Variants in ABCC4 observed in about 807,000 individuals in gnomAD.
The protein encoded by ABCC4 is ATP binding cassette subfamily C member 4 (PEL blood group), also known as ATP-binding cassette sub-family C member 4.
Under a neutral mutation model 168.5 loss-of-function variants are expected in ABCC4, and 102 were observed. The observed-to-expected ratio is 0.61, with a 90% CI of 0.52 to 0.71. ABCC4 has a LOEUF of 0.71. Ranked by LOEUF, ABCC4 falls within the 30% of genes least tolerant of loss-of-function variation. The pLI, the probability that ABCC4 is intolerant of heterozygous loss-of-function variation, is 0.00. For missense variants in ABCC4, 1,402 were observed against 1,605.8 expected, an observed-to-expected ratio of 0.87 and a Z score of 2.17; for synonymous variants, 617 against 590.7, an observed-to-expected ratio of 1.04 and a Z score of -0.65.
intron 8 of ABCC4, among the ~76,000 whole-genome samples, chr13:95,204,440 G>A (rs2038723068): frequency 6.6e-6 from 1 of 151,672 alleles, no homozygotes; most frequent in Non-Finnish European, 1.5e-5. Flanking sequence ...GATCATGGGG[G>A]CAGTTTCCCC....
In ABCC4 at chr13:95,209,314, G is replaced by A. The variant is rs2038881792; in HGVS notation, c.785+120C>T. The stretch of plus-strand genomic sequence containing the variant: ...CCCCCTTGGCTGAGCCTGAAGAGCT[G>A]CAACATATGCAAGGAAGAGATAATA... On this transcript the variant is annotated intron_variant, in intron 6 of 30. Coordinates refer to ENST00000645237, the MANE Select transcript of ABCC4 (RefSeq NM_005845.5). 5.0e-6 allele frequency: 6 copies of A among 1,197,194 alleles called. No homozygotes were observed. The Admixed American group carries it at 7.2e-5, about 14-fold the overall frequency. 74.2% of individuals were successfully genotyped at this position (1,197,194 alleles called of 1,614,324 possible). A position where few individuals can be genotyped will look rare whatever the true frequency, so the allele number is the denominator to read the frequency against.
At chr13:95,221,549 A>AT (rs1299735814) in intron 4 of ABCC4, among the ~76,000 whole-genome samples, 22 of 152,052 alleles carry the variant, frequency 1.4e-4, no homozygotes, top group Admixed American at 5.2e-4. Flanking sequence ...TTTTACCACA[A>AT]TTTTTTTTAA....
At chr13:95,202,871 G>A (rs2038671169) in intron 8 of ABCC4, among the ~76,000 whole-genome samples, 1 of 152,002 alleles carries the variant, frequency 6.6e-6, no homozygotes, top group Non-Finnish European at 1.5e-5. Context: ...TGCTGGCCAG[G>A]CTGGTCTAGA....
At chr13:95,244,669 G>GAAAGAAAGAAAGAAAT (rs780621852) in intron 3 of ABCC4, among the ~76,000 whole-genome samples, 15 of 68,020 alleles carry the variant, frequency 2.2e-4, no homozygotes, top group East Asian at 8.4e-4. Context: ...AAGAAAGAAA[G>GAAAGAAAGAAAGAAAT]AAATCATAGC....
chr13:95,228,070 G>A (rs989007759), intron 4 of ABCC4, among the ~76,000 whole-genome samples: 3 of 152,126 alleles, frequency 2.0e-5, no homozygotes, highest in Non-Finnish European at 2.9e-5. Context: ...AGTCTACAGT[G>A]AAATAAAAAT....
At chr13:95,235,877 G>A (rs921565039) in intron 3 of ABCC4, among the ~76,000 whole-genome samples, 2 of 152,136 alleles carry the variant, frequency 1.3e-5, no homozygotes, top group Non-Finnish European at 2.9e-5. Flanking sequence ...GAGCTCAAAG[G>A]GAATGTCATC....
At chr13:95,038,704 A>G (rs1407931111) in intron 29 of ABCC4, among the ~76,000 whole-genome samples, 1 of 152,208 alleles carries the variant, frequency 6.6e-6, no homozygotes, top group Non-Finnish European at 1.5e-5. Context: ...GGCATTGCAC[A>G]TGACGTGTGA....
intron 9 of ABCC4, among the ~76,000 whole-genome samples, chr13:95,190,873 C>T (rs767269033): frequency 3.3e-5 from 5 of 152,194 alleles, no homozygotes; most frequent in Admixed American, 1.3e-4. Flanking sequence ...CAAATCCTTT[C>T]GGAAGTGGCT....
chr13:95,159,100 T>C (rs1252076120), intron 19 of ABCC4, among the ~76,000 whole-genome samples: 10 of 64,266 alleles, frequency 1.6e-4, no homozygotes, highest in African/African-American at 9.1e-4. Context: ...ATTTTATATA[T>C]ATATATATAT....
chr13:95,171,636 A>G (rs2037481888), intron 13 of ABCC4, among the ~76,000 whole-genome samples: 1 of 152,064 alleles, frequency 6.6e-6, no homozygotes, highest in South Asian at 2.1e-4. Flanking sequence ...AACATAACTC[A>G]TGCTCAATAA....
rs577437251 is a variant in ABCC4 at position 95,160,012 on chromosome 13, A to G, written c.2455+1177T>C. Among the ~76,000 whole-genome samples the G allele has an allele frequency of 1.2e-4, 19 of 152,370 alleles. No homozygotes were observed. The South Asian group carries it at 3.7e-3, about 30-fold the overall frequency. ...TGTATTAACATGCTTAATTCTCATA[A>G]GATTTCAATTTGGTGGGTATGAATA... is the stretch of plus-strand genomic sequence containing the variant. On this transcript the variant is annotated intron_variant, in intron 19 of 30. Transcript: ENST00000645237.
At chr13:95,187,462 G>A (rs998561733) in intron 10 of ABCC4, among the ~76,000 whole-genome samples, 24 of 152,112 alleles carry the variant, frequency 1.6e-4, no homozygotes, top group African/African-American at 3.9e-4. Flanking sequence ...AACATTAGCC[G>A]GGCATGGTGG....
chr13:95,164,078 G>T (rs956697428), intron 16 of ABCC4, among the ~76,000 whole-genome samples: 1 of 144,912 alleles, frequency 6.9e-6, no homozygotes, highest in Admixed American at 6.9e-5. Flanking sequence ...AAGAAAGAAA[G>T]AATAAAAGGC....
chr13:95,124,653 G>A (rs955642771), intron 19 of ABCC4, among the ~76,000 whole-genome samples: 1 of 142,352 alleles, frequency 7.0e-6, no homozygotes, highest in Non-Finnish European at 1.5e-5. Context: ...GGGATCACCT[G>A]AGGCCAGGAA....
intron 20 of ABCC4, among the ~76,000 whole-genome samples, chr13:95,091,619 C>T (rs1391870482): frequency 6.6e-6 from 1 of 152,106 alleles, no homozygotes; most frequent in Non-Finnish European, 1.5e-5. Flanking sequence ...TACTACCAAA[C>T]CACCACTGTA....
Position 95,115,967 on chromosome 13 carries a change from T to C in ABCC4, c.2490A>G (p.Gly830=). The part of the protein sequence containing the change: ...RILNRFSKDI[G]HLDDLLPLTF... The stretch of plus-strand genomic sequence containing the variant: ...TCAGCGGCAGCAAATCATCCAAGTG[T>C]CCAATGTCTTTGGAGAAACGATTTA... Residue 830 remains glycine, a synonymous_variant, in exon 20 of 31, where the codon GGA becomes GGG. Coordinates refer to ENST00000645237, the MANE Select transcript of ABCC4 (RefSeq NM_005845.5). 2.5e-6 allele frequency: 4 copies of C among 1,613,534 alleles called. No individual in the cohort carries two copies. The highest frequency in any genetic ancestry group is 2.5e-6 in the Non-Finnish European group (3 of 1,179,872).
intron 30 of ABCC4, among the ~76,000 whole-genome samples, chr13:95,024,288 T>G (rs4771904): frequency 0.58 from 87,600 of 151,136 alleles, 25,931 homozygotes; most frequent in African/African-American, 0.69. Flanking sequence ...ATAACAGCAG[T>G]TCAGAAGGAC....
chr13:95,031,159 C>T (rs2031859439), intron 30 of ABCC4, among the ~76,000 whole-genome samples: 1 of 152,188 alleles, frequency 6.6e-6, no homozygotes, highest in Non-Finnish European at 1.5e-5. Context: ...AATCTGACAG[C>T]TTGTTCTCCT....
intron 1 of ABCC4, chr13:95,269,438 T>A (rs1970475): frequency 0.49 from 48,354 of 98,744 alleles, 10,179 homozygotes; most frequent in Non-Finnish European, 0.55. Context: ...AAAAAAAATA[T>A]ATATATATAT....
Sources: allele counts gnomAD v4.1 joint callset (sites outside exome capture counted in the v4.1 genomes callset), GRCh38; gene constraint gnomAD v4.1.1; transcripts MANE v1.5; gene names NCBI Gene and HGNC (gene_info 2026-07-23, HGNC 2026-07-21).